SRI: variants seen among roughly 807,000 people sequenced by gnomAD.
SRI encodes sorcin.
A neutral mutation model predicts 33.3 loss-of-function variants in SRI; 30 were observed. The ratio of observed to expected loss-of-function variants is 0.90; its 90% CI spans 0.67 to 1.22. SRI has a LOEUF of 1.22. Ranked by LOEUF, SRI falls within the 50% of genes most tolerant of loss-of-function variation. The pLI is 0.00. For missense variants in SRI, 243 were observed against 250.8 expected (o/e 0.97, Z 0.21); for synonymous variants, 75 against 89.9 (o/e 0.83, Z 0.94).
In SRI at chr7:88,210,881, C is replaced by T; in HGVS notation, c.249+1G>A. On this transcript the variant is annotated splice_donor_variant, in intron 4 of 7. Transcript: ENST00000265729. LOFTEE classifies it high-confidence loss of function. ...TAGACAACAATCAAAGTAAAGGATA[C>T]ATCCAGCATTGAAACCATAAGCCGG... 6.2e-7 allele frequency: 1 copy of T among 1,613,052 alleles called. No homozygotes were observed. Among genetic ancestry groups the T allele is most frequent in the Non-Finnish European group, 8.5e-7 (1 of 1,179,444 alleles).
chr7:88,211,081 A>G (rs1420339548), intron 3 of SRI, among the ~76,000 whole-genome samples, 156 bp from the exon 4 acceptor site: 1 of 152,262 alleles, frequency 6.6e-6, no homozygotes, highest in African/African-American at 2.4e-5. Context: ...ACTTCAAAGT[A>G]GCCTTTTCTC....
intron 5 of SRI, among the ~76,000 whole-genome samples, chr7:88,209,771 C>T (rs564578745): frequency 2.0e-5 from 3 of 152,108 alleles, no homozygotes; most frequent in South Asian, 2.1e-4. Context: ...CATGCCACCA[C>T]GCCCAGCTAA....
intron 7 of SRI, 149 bp downstream of exon 7, chr7:88,208,358 A>G (rs930892848): frequency 1.4e-6 from 2 of 1,415,448 alleles, no homozygotes; most frequent in Admixed American, 5.8e-5. Flanking sequence ...AAATTAATAA[A>G]TTCTGGATGA....
upstream of SRI, among the ~76,000 whole-genome samples, chr7:88,223,046 C>T (rs1049762962): frequency 3.4e-4 from 52 of 151,948 alleles, no homozygotes; most frequent in Admixed American, 3.4e-3. Context: ...AAGAAACTAC[C>T]ATCAGAGTGA....
chr7:88,209,365 C>CA lies in SRI; in HGVS notation c.484dup (p.Cys162LeufsTer28). 1 of 1,613,998 alleles carries CA rather than the reference C, an allele frequency of 6.2e-7. No homozygotes were observed. Among genetic ancestry groups the CA allele is most frequent in the Non-Finnish European group, 8.5e-7 (1 of 1,179,914 alleles). On this transcript the variant is annotated frameshift_variant, in exon 6 of 8. Transcript: ENST00000265729. LOFTEE classifies it high-confidence loss of function. ...TGTAAGAGCCCTCAGTTTGACGCAGCAGGCGATGTAGTCGTCGAAGGTGAT... is the reference window on the plus strand; with the variant it reads ...TGTAAGAGCCCTCAGTTTGACGCAGCAAGGCGATGTAGTCGTCGAAGGTGAT...
Position 88,218,633 on chromosome 7 carries a change from C to G in SRI, c.135+226G>C, listed in dbSNP as rs1586720251. ...CATCCTGGACCCTTTAATTCAACCA[C>G]AAGTTTGCTTTCGAACTGAACTCAC... On this transcript the variant is annotated intron_variant, in intron 2 of 7. Transcript: ENST00000265729. 6.2e-6 allele frequency: 3 copies of G among 484,496 alleles called. No homozygotes were observed. In the East Asian group the frequency reaches 1.2e-4, roughly 20 times the overall value. The allele number at this position is 484,496 out of a possible 1,614,324, so 30.0% of individuals were successfully genotyped here. A position where few individuals can be genotyped will look rare whatever the true frequency, so the allele number is the denominator to read the frequency against.
At chr7:88,219,827 G>C in intron 1 of SRI, 149 bp downstream of exon 1, 1 of 970,090 alleles carries the variant, frequency 1.0e-6, no homozygotes, top group Non-Finnish European at 1.5e-6. Flanking sequence ...GGCCTAGGGC[G>C]AGGCCGCGAG....
At chr7:88,214,688 TTATAAC>T in intron 3 of SRI, 1 of 255,994 alleles carries the variant, frequency 3.9e-6, no homozygotes, top group Non-Finnish European at 6.1e-6. Context: ...CTACATATAA[TTATAAC>T]TATAAATTAT....
chr7:88,220,392 T>G (rs1851864241), upstream of SRI, among the ~76,000 whole-genome samples: 1 of 151,906 alleles, frequency 6.6e-6, no homozygotes, highest in Admixed American at 6.6e-5. Flanking sequence ...TTGGCTATTA[T>G]CTGGCACATT....
rs1851439196 is a variant in SRI, at chr7:88,206,374, G to C, written c.*104C>G. The C allele has an allele frequency of 1.5e-6, 2 of 1,320,876 alleles. No homozygotes were observed. The highest frequency in any genetic ancestry group is 2.2e-6 in the Non-Finnish European group (2 of 913,320). The allele number at this position is 1,320,876 out of a possible 1,614,324, so 81.8% of individuals were successfully genotyped here. On this transcript the variant is annotated 3_prime_UTR_variant, in exon 8 of 8. Coordinates refer to ENST00000265729, the MANE Select transcript of SRI (RefSeq NM_003130.4). ...ATAAACTTTACAACAGCTGTTAAGA[G>C]AAAGTCGTGATGTAAGTTTATACAT...
chr7:88,207,252 G>A (rs1272974504), intron 7 of SRI, among the ~76,000 whole-genome samples: 1 of 152,160 alleles, frequency 6.6e-6, no homozygotes, highest in Non-Finnish European at 1.5e-5. Flanking sequence ...CAAAGCCCAT[G>A]GTCTTTCTTT....
intron 3 of SRI, among the ~76,000 whole-genome samples, chr7:88,212,116 T>C (rs1215145038): frequency 1.3e-5 from 2 of 152,226 alleles, no homozygotes; most frequent in Non-Finnish European, 2.9e-5. Context: ...TCTTTGTAGC[T>C]TCATATTTTT....
chr7:88,221,537 G>A (rs895306348), upstream of SRI, among the ~76,000 whole-genome samples: 1 of 152,170 alleles, frequency 6.6e-6, no homozygotes, highest in Admixed American at 6.5e-5. Flanking sequence ...TCGATGTTGA[G>A]TACAAGCTCA....
chr7:88,208,187 A>G (rs1261661510), intron 7 of SRI: 1 of 263,502 alleles, frequency 3.8e-6, no homozygotes, highest in Non-Finnish European at 6.7e-6. Context: ...GGCTCAGTGA[A>G]AAAGGCATTA....
At chr7:88,222,440 G>C (rs1186654673), upstream of SRI, among the ~76,000 whole-genome samples, 2 of 150,432 alleles carry the variant, frequency 1.3e-5, no homozygotes, top group African/African-American at 4.9e-5. Context: ...GATGGCCAGT[G>C]ATGATGAGCA....
At chr7:88,208,780 GTTTT>G (rs1851495926) in intron 6 of SRI, 6 of 663,356 alleles carry the variant, frequency 9.0e-6, no homozygotes, top group African/African-American at 1.8e-5. Flanking sequence ...GGCCAGCTGT[GTTTT>G]TTGTTTTTTT....
chr7:88,206,570 C>G, intron 7 of SRI, 66 bp from the exon 8 acceptor site: 2 of 1,590,552 alleles, frequency 1.3e-6, no homozygotes, highest in African/African-American at 1.3e-5. Flanking sequence ...CTATTTCTGG[C>G]AGCTTACATT....
upstream of SRI, chr7:88,220,055 C>CCCTGTGCGCCAGG: frequency 4.0e-6 from 6 of 1,515,756 alleles, no homozygotes; most frequent in Non-Finnish European, 5.3e-6. Context: ...GCCGCCCTCG[C>CCCTGTGCGCCAGG]CCTGTGCGCC....
At chr7:88,224,591 T>C (rs1015408010), upstream of SRI, among the ~76,000 whole-genome samples, 1 of 152,214 alleles carries the variant, frequency 6.6e-6, no homozygotes, top group African/African-American at 2.4e-5. Flanking sequence ...ATTAATAGTA[T>C]CTCCACTTTC....
Sources: gnomAD v4.1 joint callset for allele counts (sites outside exome capture counted in the v4.1 genomes callset) on GRCh38, gnomAD v4.1.1 for gene constraint, MANE v1.5 for transcripts, NCBI Gene and HGNC (gene_info 2026-07-23, HGNC 2026-07-21) for gene names.